CFAP47: variants seen among roughly 807,000 people sequenced by gnomAD.
CFAP47 encodes cilia- and flagella-associated protein 47.
CFAP47 carries 29 observed loss-of-function variants against 148.1 expected under a neutral mutation model. The ratio of observed to expected loss-of-function variants is 0.20; its 90% CI spans 0.15 to 0.27. The LOEUF is 0.27. CFAP47 is among the 10% of genes least tolerant of loss of function. The probability of loss-of-function intolerance (pLI) is 1.00; values close to 1 mark genes in which losing one functional copy is unlikely to be tolerated. For missense variants in CFAP47, 1,872 were observed against 1,697.5 expected, an observed-to-expected ratio of 1.10 and a Z score of -1.81; for synonymous variants, 664 against 577.3, an observed-to-expected ratio of 1.15 and a Z score of -2.15.
chrX:36,349,288 G>T (rs1360539065), intron 58 of CFAP47, among the ~76,000 whole-genome samples: 4 of 111,169 alleles, frequency 3.6e-5, no homozygotes, highest in Non-Finnish European at 7.5e-5. Context: ...TTTTGAGATG[G>T]AGTCACACTC....
At chrX:35,924,329 A>G (rs747719262) in intron 1 of CFAP47, among the ~76,000 whole-genome samples, 2 of 106,314 alleles carry the variant, frequency 1.9e-5, no homozygotes, top group African/African-American at 3.6e-5. Flanking sequence ...GTATGTGTAT[A>G]TGTGTACATA....
chrX:36,021,379 G>T (rs1282332674), intron 22 of CFAP47, among the ~76,000 whole-genome samples: 1 of 110,447 alleles, frequency 9.1e-6, no homozygotes, highest in Non-Finnish European at 1.9e-5. Context: ...TCTTGGCCCT[G>T]CAACCCTCAA....
rs146372120 is a variant in CFAP47, at chrX:36,356,739, T to C, written c.8851+3058T>C. 7.6e-3 allele frequency among the ~76,000 whole-genome samples: 852 copies of C among 111,609 alleles called. 12 individuals carry two copies. The highest frequency in any genetic ancestry group is 0.026 in the African/African-American group (788 of 30,744). ...GAGTCATGTTGACCATGCAGTCTTGTACTTCCTGTTGTCTCCTAAGTCCCT... is the reference window on the plus strand; with the variant it reads ...GAGTCATGTTGACCATGCAGTCTTGCACTTCCTGTTGTCTCCTAAGTCCCT... On this transcript the variant is annotated intron_variant, in intron 60 of 63. Coordinates refer to ENST00000378653, the MANE Select transcript of CFAP47 (RefSeq NM_001304548.2).
At chrX:35,990,626 C>A (rs1372221048) in intron 16 of CFAP47, among the ~76,000 whole-genome samples, 1 of 111,206 alleles carries the variant, frequency 9.0e-6, no homozygotes, top group Non-Finnish European at 1.9e-5. Flanking sequence ...CTTAGGTGAG[C>A]CTTCAACTCT....
In CFAP47 at chrX:36,085,682, C is replaced by T. The variant is rs983468249; in HGVS notation, c.4916+144C>T. 7 of 208,447 alleles carry T rather than the reference C, an allele frequency of 3.4e-5. No homozygotes were observed. In the East Asian group the frequency reaches 3.4e-4, roughly 10 times the overall value. The allele number at this position is 208,447 out of a possible 1,213,427, so 17.2% of individuals were successfully genotyped here. A position where few individuals can be genotyped will look rare whatever the true frequency, so the allele number is the denominator to read the frequency against. Reference sequence around the variant, plus strand: ...ACACACACACATAAATATACACACACGTATATATATATTATATATATATAT... The same window carrying T: ...ACACACACACATAAATATACACACATGTATATATATATTATATATATATAT... On this transcript the variant is annotated intron_variant, in intron 30 of 63. Transcript: ENST00000378653.
At chrX:36,269,927 C>T (rs1348289346) in intron 49 of CFAP47, among the ~76,000 whole-genome samples, 1 of 111,756 alleles carries the variant, frequency 8.9e-6, no homozygotes, top group Non-Finnish European at 1.9e-5. Context: ...CAGTTTTATG[C>T]TGTTTTATTT....
chrX:36,334,090 A>G lies in CFAP47; in HGVS notation c.8444-14039A>G, dbSNP rs782327088. 7.2e-5 allele frequency among the ~76,000 whole-genome samples: 8 copies of G among 111,779 alleles called. No individual in the cohort carries two copies. The South Asian group carries it at 1.9e-3, about 26-fold the overall frequency. ...TTCCCTAAGGAATTCTTGCAATCAT[A>G]CTACATTTCCTGAGCCCTCTCACTC... On this transcript the variant is annotated intron_variant, in intron 57 of 63. Coordinates refer to ENST00000378653, the MANE Select transcript of CFAP47 (RefSeq NM_001304548.2).
At chrX:36,189,246 C>G (rs1939840337) in intron 41 of CFAP47, among the ~76,000 whole-genome samples, 1 of 110,909 alleles carries the variant, frequency 9.0e-6, no homozygotes, top group Admixed American at 9.7e-5. Context: ...CTGTGTGACT[C>G]TAGCTCGCGG....
intron 1 of CFAP47, among the ~76,000 whole-genome samples, chrX:35,922,946 T>G (rs1935601183): frequency 9.0e-6 from 1 of 111,447 alleles, no homozygotes; most frequent in South Asian, 3.7e-4. Flanking sequence ...CTTCCTCGCT[T>G]CTTCTCCACC....
intron 39 of CFAP47, among the ~76,000 whole-genome samples, chrX:36,172,272 T>A (rs1432890821): frequency 3.9e-5 from 4 of 102,324 alleles, no homozygotes; most frequent in Admixed American, 1.1e-4. Flanking sequence ...CCTGTTTTCC[T>A]AATTGAATAC....
chrX:36,175,499 G>A (rs1013427537), intron 39 of CFAP47, among the ~76,000 whole-genome samples: 2 of 111,664 alleles, frequency 1.8e-5, no homozygotes, highest in Non-Finnish European at 3.8e-5. Context: ...CTTTCTGTTT[G>A]TTAGTTTTCC....
At chrX:36,368,781 A>G (rs909144843) in intron 62 of CFAP47, among the ~76,000 whole-genome samples, 2 of 111,690 alleles carry the variant, frequency 1.8e-5, no homozygotes, top group African/African-American at 6.5e-5. Context: ...CAAATAATGC[A>G]ATGTATATAA....
At chrX:36,295,739 A>C (rs1299343482) in intron 51 of CFAP47, among the ~76,000 whole-genome samples, 5 of 112,100 alleles carry the variant, frequency 4.5e-5, no homozygotes, top group Non-Finnish European at 9.4e-5. Flanking sequence ...GCAGGTGGAT[A>C]TTTAAAATAC....
intron 24 of CFAP47, 103 bp from the exon 25 acceptor site, chrX:36,038,881 G>C: frequency 2.5e-6 from 1 of 402,995 alleles, no homozygotes; most frequent in Non-Finnish European, 4.1e-6. Context: ...CCATTAAGTT[G>C]TAACATCATC....
Position 35,966,551 on chromosome X carries a change from T to A in CFAP47, c.1411-14T>A, listed in dbSNP as rs1343493511. The A allele has an allele frequency of 5.0e-6, 5 of 1,000,910 alleles. No homozygotes were observed. Among genetic ancestry groups the A allele is most frequent in the Non-Finnish European group, 6.5e-6 (5 of 774,090 alleles). 82.5% of individuals were successfully genotyped at this position (1,000,910 alleles called of 1,213,427 possible). A position where few individuals can be genotyped will look rare whatever the true frequency, so the allele number is the denominator to read the frequency against. On this transcript the variant is annotated splice_polypyrimidine_tract_variant and intron_variant, in intron 8 of 63. Transcript: ENST00000378653. Reference sequence around the variant, plus strand: ...CCAATTTATTATTGGTTACTTTTCATCTTTTTTTTTTAGGATGTGATGTGT... The same window carrying A: ...CCAATTTATTATTGGTTACTTTTCAACTTTTTTTTTTAGGATGTGATGTGT...
chrX:36,303,819 G>A (rs1292638165), intron 53 of CFAP47, 30 bp from the exon 54 acceptor site: 2 of 853,675 alleles, frequency 2.3e-6, no homozygotes, highest in African/African-American at 2.1e-5. Flanking sequence ...ATGAATACCA[G>A]CAACTTTACT....
At chrX:36,289,955 G>C (rs1941177091) in intron 51 of CFAP47, among the ~76,000 whole-genome samples, 1 of 110,636 alleles carries the variant, frequency 9.0e-6, no homozygotes, top group African/African-American at 3.3e-5. Context: ...GTCCAAATAA[G>C]GTGCTCTGCC....
chrX:36,258,460 T>C (rs1555999412), intron 49 of CFAP47, among the ~76,000 whole-genome samples: 1 of 111,934 alleles, frequency 8.9e-6, no homozygotes, highest in Non-Finnish European at 1.9e-5. Context: ...CCAAGCTACA[T>C]TTACATATCC....
chrX:36,210,546 T>G (rs181756031), intron 45 of CFAP47, among the ~76,000 whole-genome samples: 371 of 112,499 alleles, frequency 3.3e-3, no homozygotes, highest in Non-Finnish European at 6.2e-3. Flanking sequence ...ACTTTAAAAA[T>G]TTAGTTGTCT....
Sources: allele counts gnomAD v4.1 joint callset (sites outside exome capture counted in the v4.1 genomes callset), GRCh38; gene constraint gnomAD v4.1.1; transcripts MANE v1.5; gene names NCBI Gene and HGNC (gene_info 2026-07-23, HGNC 2026-07-21).